The following ABCC12 variants were observed in gnomAD, a reference collection of about 807,000 sequenced individuals.
ABCC12 encodes ATP binding cassette subfamily C member 12.
In ABCC12, 142 loss-of-function variants were observed where a neutral mutation model predicts 151.1. That is an observed-to-expected ratio of 0.94 (90% CI 0.82 to 1.08). The LOEUF (loss-of-function observed/expected upper bound fraction) is 1.08. Ranked by LOEUF, ABCC12 falls within the 50% of genes least tolerant of loss-of-function variation. The probability of loss-of-function intolerance (pLI) is 0.00; values close to 1 mark genes in which losing one functional copy is unlikely to be tolerated. For synonymous variants in ABCC12, 645 were observed against 646.4 expected, an observed-to-expected ratio of 1.00 and a Z score of 0.03; for missense variants, 1,638 against 1,691.1, an observed-to-expected ratio of 0.97 and a Z score of 0.55.
At chr16:48,121,547 C>T (rs373783575) in intron 13 of ABCC12, 169 bp downstream of exon 13, 22 of 892,744 alleles carry the variant, frequency 2.5e-5, no homozygotes, top group Admixed American at 5.8e-5. Flanking sequence ...CTCTCCTGAA[C>T]GCTTGGCTCA....
intron 2 of ABCC12, chr16:48,146,745 T>C (rs1320164573): frequency 4.0e-6 from 1 of 250,344 alleles, no homozygotes; most frequent in Non-Finnish European, 7.7e-6. Flanking sequence ...GTGGTTTTGG[T>C]TGGGAGCCGG....
At chr16:48,102,707 G>A (rs1016561458) in intron 22 of ABCC12, among the ~76,000 whole-genome samples, 3 of 152,136 alleles carry the variant, frequency 2.0e-5, no homozygotes, top group Non-Finnish European at 4.4e-5. Flanking sequence ...CACTGTCCAC[G>A]GACACCATCA....
At chr16:48,147,860 G>A (rs906113968) in intron 2 of ABCC12, among the ~76,000 whole-genome samples, 2 of 152,224 alleles carry the variant, frequency 1.3e-5, no homozygotes, top group African/African-American at 4.8e-5. Context: ...CTGAAGACTC[G>A]TAGTCAGATG....
At position 48,133,338 on chromosome 16, in the gene ABCC12, A is replaced by G. The variant is rs376934275; in HGVS notation, c.1128+349T>C. Among the ~76,000 whole-genome samples the G allele has an allele frequency of 3.3e-5, 5 of 152,200 alleles. No homozygotes were observed. The East Asian group carries it at 5.8e-4, about 18-fold the overall frequency. Reference sequence around the variant, plus strand: ...GGAGTTCAAGACCAGCCTGGCCAACATGGTGAAACCCCGGTCTCTACTAAA... The same window carrying G: ...GGAGTTCAAGACCAGCCTGGCCAACGTGGTGAAACCCCGGTCTCTACTAAA... On this transcript the variant is annotated intron_variant, in intron 9 of 30. Coordinates refer to ENST00000311303, the MANE Select transcript of ABCC12 (RefSeq NM_001393797.1).
At position 48,104,142 on chromosome 16, in the gene ABCC12, C is replaced by G. The variant is rs372962244; in HGVS notation, c.2900G>C (p.Arg967Pro). 60 of 1,613,446 alleles carry G rather than the reference C, an allele frequency of 3.7e-5. No individual in the cohort carries two copies. Among genetic ancestry groups the G allele is most frequent in the Admixed American group, 1.0e-4 (6 of 59,878 alleles). ...TCGTGTAAATAGCACATGGGCCTAC[C>G]GTAACAGAATGAAGAAGCCTACAGC... is the stretch of plus-strand genomic sequence containing the variant. ...SLAVGFFILL[R>P]IFHRGVQELK... Residue 967 changes from arginine (R) to proline (P), a missense_variant and splice_region_variant, in exon 22 of 31, where the codon CGC becomes CCC. Physicochemically the swap from Arg to Pro is moderately radical, Grantham distance 103. Transcript: ENST00000311303.
At chr16:48,103,095 G>C (rs1482398220) in intron 22 of ABCC12, among the ~76,000 whole-genome samples, 1 of 152,152 alleles carries the variant, frequency 6.6e-6, no homozygotes, top group Non-Finnish European at 1.5e-5. Flanking sequence ...TCTAAAACTA[G>C]GATCTGAGCG....
Position 48,133,536 on chromosome 16 carries a change from A to G in ABCC12, c.1128+151T>C, listed in dbSNP as rs912157387. The G allele has an allele frequency of 4.0e-6, 4 of 996,326 alleles. No homozygotes were observed. The African/African-American group carries it at 6.7e-5, about 17-fold the overall frequency. 61.7% of individuals were successfully genotyped at this position (996,326 alleles called of 1,614,324 possible). Reference sequence around the variant, plus strand: ...GTGAGACCCTGTCTCAGAAAAAAAAAAAAAAAAAGTTGGAGTTGAAGTCAC... The same window carrying G: ...GTGAGACCCTGTCTCAGAAAAAAAAGAAAAAAAAGTTGGAGTTGAAGTCAC... On this transcript the variant is annotated intron_variant, in intron 9 of 30. Transcript: ENST00000311303.
At chr16:48,088,266 C>G (rs895459468) in intron 26 of ABCC12, among the ~76,000 whole-genome samples, 181 bp from the exon 27 acceptor site, 1 of 152,232 alleles carries the variant, frequency 6.6e-6, no homozygotes, top group Admixed American at 6.5e-5. Flanking sequence ...ACACAGTTAA[C>G]CTGCCCATCC....
At chr16:48,138,604 G>C (rs564531644) in intron 7 of ABCC12, among the ~76,000 whole-genome samples, 1 of 152,290 alleles carries the variant, frequency 6.6e-6, no homozygotes. Context: ...CAAAGAGAGT[G>C]CTGGGGGCTT....
chr16:48,109,485 T>G (rs1459937452), intron 18 of ABCC12, among the ~76,000 whole-genome samples: 1 of 152,152 alleles, frequency 6.6e-6, no homozygotes, highest in Non-Finnish European at 1.5e-5. Context: ...CAAAGCAGAA[T>G]TATACACCGT....
intron 24 of ABCC12, 110 bp from the exon 25 acceptor site, chr16:48,091,319 A>C: frequency 1.1e-6 from 1 of 930,008 alleles, no homozygotes; most frequent in South Asian, 1.3e-5. Flanking sequence ...TGCCTAGCGC[A>C]AGACAGCACA....
At chr16:48,141,117 A>T (rs1964794479) in intron 5 of ABCC12, 89 bp downstream of exon 5, 2 of 1,547,712 alleles carry the variant, frequency 1.3e-6, no homozygotes, top group Middle Eastern at 2.2e-4. Context: ...CAATGCACTA[A>T]ACCCACCAGC....
At chr16:48,122,831 A>T (rs1468814675) in intron 12 of ABCC12, among the ~76,000 whole-genome samples, 1 of 152,202 alleles carries the variant, frequency 6.6e-6, no homozygotes, top group Non-Finnish European at 1.5e-5. Flanking sequence ...GGCCTTGCAA[A>T]TTATCCTATA....
At chr16:48,108,288 T>G (rs1015852603) in intron 19 of ABCC12, 152 bp downstream of exon 19, 2 of 692,352 alleles carry the variant, frequency 2.9e-6, no homozygotes, top group African/African-American at 3.6e-5. Flanking sequence ...CAGACGTTAG[T>G]TTTTAGGAGG....
intron 24 of ABCC12, 111 bp from the exon 25 acceptor site, chr16:48,091,320 A>C: frequency 1.1e-6 from 1 of 933,066 alleles, no homozygotes; most frequent in South Asian, 1.3e-5. Flanking sequence ...GCCTAGCGCA[A>C]GACAGCACAA....
chr16:48,140,062 A>G (rs1964752092), intron 6 of ABCC12, among the ~76,000 whole-genome samples: 3 of 152,198 alleles, frequency 2.0e-5, no homozygotes. Flanking sequence ...TGGGTTTGCT[A>G]TATGCAACTG....
chr16:48,151,051 C>A (rs1456662692), intron 2 of ABCC12, among the ~76,000 whole-genome samples: 1 of 151,968 alleles, frequency 6.6e-6, no homozygotes, highest in Non-Finnish European at 1.5e-5. Context: ...AACTAGAATC[C>A]AATGCTTCCA....
intron 13 of ABCC12, among the ~76,000 whole-genome samples, chr16:48,119,579 T>C (rs1440400086): frequency 1.3e-5 from 2 of 152,244 alleles, no homozygotes; most frequent in Non-Finnish European, 2.9e-5. Context: ...CTGCCACACC[T>C]GAGCCTCCTG....
At chr16:48,142,098 C>G (rs60752576) in intron 4 of ABCC12, among the ~76,000 whole-genome samples, 4,889 of 152,084 alleles carry the variant, frequency 0.032, 248 homozygotes, top group African/African-American at 0.11. Context: ...GTTCAAGGAC[C>G]GACCCCAGTT....
Sources: gnomAD v4.1 joint callset for allele counts (sites outside exome capture counted in the v4.1 genomes callset) on GRCh38, gnomAD v4.1.1 for gene constraint, MANE v1.5 for transcripts, NCBI Gene and HGNC (gene_info 2026-07-23, HGNC 2026-07-21) for gene names.